The following HJURP variants were observed in gnomAD, a reference collection of about 807,000 sequenced individuals.
The protein encoded by HJURP is Holliday junction recognition protein.
Under a neutral mutation model 72.0 loss-of-function variants are expected in HJURP, and 49 were observed. The ratio of observed to expected loss-of-function variants is 0.68; its 90% CI spans 0.54 to 0.86. The LOEUF (loss-of-function observed/expected upper bound fraction) is 0.86, where lower values mean the gene tolerates loss of function less well. HJURP is among the 40% of genes least tolerant of loss of function. The pLI is 0.00. For synonymous variants in HJURP, 357 were observed against 347.1 expected (o/e 1.03, Z -0.32); for missense variants, 908 against 936.3 (o/e 0.97, Z 0.39).
rs1466545334 is a variant in HJURP at position 233,837,604 on chromosome 2, T to A, written c.2220A>T (p.Leu740=). The change falls in exon 9 of 9, where the codon CTA becomes CTT. Residue 740 remains leucine, a synonymous_variant. Coordinates refer to ENST00000411486, the MANE Select transcript of HJURP (RefSeq NM_018410.5). The part of the protein sequence containing the change: ...YRMEEKSDFM[L]EKLETKSV Reference sequence around the variant, plus strand: ...ACACACTTTTAGTTTCCAATTTTTCTAGCATGAAATCACTTTTCTCTTCCA... The same window carrying A: ...ACACACTTTTAGTTTCCAATTTTTCAAGCATGAAATCACTTTTCTCTTCCA... 1 of 1,611,384 alleles carries A rather than the reference T, an allele frequency of 6.2e-7. No individual in the cohort carries two copies. The highest frequency in any genetic ancestry group is 2.2e-5 in the East Asian group (1 of 44,824).
rs773457644 is a variant in HJURP at position 233,841,763 on chromosome 2, A to C, written c.1017T>G (p.Asp339Glu). The C allele has an allele frequency of 6.2e-7, 1 of 1,614,182 alleles. No homozygotes were observed. The highest frequency in any genetic ancestry group is 1.1e-5 in the South Asian group (1 of 91,080). The change falls in exon 8 of 9, where the codon GAT (aspartate) becomes GAG (glutamate). Residue 339 changes from aspartate to glutamate, a missense_variant. By Grantham distance (45) the Asp-to-Glu change is conservative (BLOSUM62 2). This residue lies in a region of HJURP where 598 missense variants were observed against 619.5 expected (regional missense o/e 0.97). Coordinates refer to ENST00000411486, the MANE Select transcript of HJURP (RefSeq NM_018410.5). Reference sequence around the variant, plus strand: ...AAGAAACATCTAATACGTTCTTGCAATCTCTTAATGCCCCTGTCCCTTTCA... The same window carrying C: ...AAGAAACATCTAATACGTTCTTGCACTCTCTTAATGCCCCTGTCCCTTTCA... The part of the protein sequence containing the change: ...EPVKGTGALR[D>E]CKNVLDVSCR...
At position 233,837,339 on chromosome 2, in the gene HJURP, C is replaced by A; in HGVS notation, c.*238G>T. 2 of 337,414 alleles carry A rather than the reference C, an allele frequency of 5.9e-6. No individual in the cohort carries two copies. Among genetic ancestry groups the A allele is most frequent in the Non-Finnish European group, 1.1e-5 (2 of 186,474 alleles). The allele number at this position is 337,414 out of a possible 1,614,324, so 20.9% of individuals were successfully genotyped here. A position where few individuals can be genotyped will look rare whatever the true frequency, so the allele number is the denominator to read the frequency against. The stretch of plus-strand genomic sequence containing the variant: ...AAATAACCCCCCCCCAAAAAAAACA[C>A]ACACATCAGAAAAACAGGCCTATCA... On this transcript the variant is annotated 3_prime_UTR_variant, in exon 9 of 9. Coordinates refer to ENST00000411486, the MANE Select transcript of HJURP (RefSeq NM_018410.5).
intron 8 of HJURP, among the ~76,000 whole-genome samples, chr2:233,838,560 GGTAAAAGGAAGAGCTGGGGCACTATCTGA>G (rs1247451715): frequency 1.6e-4 from 24 of 152,086 alleles, no homozygotes; most frequent in African/African-American, 5.6e-4. Flanking sequence ...GCAGGATGAT[GGTAAAAGGAAGAGCTGGGGCACTATCTGA>G]GAAAAAGCAG....
chr2:233,839,526 A>C lies in HJURP; in HGVS notation c.2171+1083T>G, dbSNP rs1705164978. Among the ~76,000 whole-genome samples, 6 of 152,374 alleles carry C rather than the reference A, an allele frequency of 3.9e-5. No homozygotes were observed. In the South Asian group the frequency reaches 1.2e-3, roughly 32 times the overall value. The stretch of plus-strand genomic sequence containing the variant: ...AAAGGCCCCAGGGGGCTCAAGCCAC[A>C]GGAGGCCGCTGGCGGTCTGAGAGTG... On this transcript the variant is annotated intron_variant, in intron 8 of 8. Transcript: ENST00000411486.
At chr2:233,853,370 A>G (rs531245935) in intron 2 of HJURP, among the ~76,000 whole-genome samples, 2 of 152,374 alleles carry the variant, frequency 1.3e-5, no homozygotes, top group Admixed American at 1.3e-4. Flanking sequence ...CTATTCAAGT[A>G]CTTGGAGCCT....
intron 2 of HJURP, 43 bp downstream of exon 2, chr2:233,853,801 A>G (rs1355823683): frequency 6.6e-7 from 1 of 1,516,438 alleles, no homozygotes; most frequent in Non-Finnish European, 9.1e-7. Flanking sequence ...TACTCCATTC[A>G]CACTCTTCAC....
chr2:233,839,971 A>G (rs1705179164), intron 8 of HJURP, among the ~76,000 whole-genome samples: 2 of 152,196 alleles, frequency 1.3e-5, no homozygotes. Flanking sequence ...TTTAATGCCA[A>G]CAAAGGTACT....
intron 8 of HJURP, among the ~76,000 whole-genome samples, chr2:233,837,976 A>C (rs17868364): frequency 9.8e-5 from 15 of 152,344 alleles, no homozygotes; most frequent in Non-Finnish European, 2.1e-4. Flanking sequence ...ATCTATTAAA[A>C]GGAGAGACAG....
chr2:233,838,543 C>T (rs2124956854), intron 8 of HJURP, among the ~76,000 whole-genome samples: 1 of 152,202 alleles, frequency 6.6e-6, no homozygotes. Context: ...GAGACAAAAT[C>T]CCAGGGGCAG....
Position 233,841,313 on chromosome 2 carries a change from G to A in HJURP, c.1467C>T (p.Ser489=). 1 of 1,614,144 alleles carries A rather than the reference G, an allele frequency of 6.2e-7. No homozygotes were observed. The highest frequency in any genetic ancestry group is 8.5e-7 in the Non-Finnish European group (1 of 1,180,026). The change falls in exon 8 of 9, where the codon TCC becomes TCT. Residue 489 remains serine (S), a synonymous_variant. Coordinates refer to ENST00000411486, the MANE Select transcript of HJURP (RefSeq NM_018410.5). ...GLETRRLSLP[S]SKAKAKSLSE... ...TTAAACTTTTTGCTTTTGCTTTGCT[G>A]GAAGGTAAACTCAGCCTGCGGGTTT...
At chr2:233,853,725 G>T in intron 2 of HJURP, 119 bp downstream of exon 2, 1 of 756,050 alleles carries the variant, frequency 1.3e-6, no homozygotes, top group Non-Finnish European at 2.2e-6. Context: ...GGGCACCAAT[G>T]TTTTGGTTCC....
rs1263568563 is a variant in HJURP, at chr2:233,837,648, C to G, written c.2176G>C (p.Glu726Gln). The G allele has an allele frequency of 1.3e-6, 2 of 1,594,186 alleles. No individual in the cohort carries two copies. The highest frequency in any genetic ancestry group is 2.7e-5 in the African/African-American group (2 of 73,840). ...TCTTCCATCCTGTAAGACGTGTTCTCTCCTCTAGGAAAAAAAAAAGACAAA... is the reference window on the plus strand; with the variant it reads ...TCTTCCATCCTGTAAGACGTGTTCTGTCCTCTAGGAAAAAAAAAAGACAAA... The part of the protein sequence containing the change: ...SSQPNSEERG[E>Q]NTSYRMEEKS... The change falls in exon 9 of 9, where the codon GAG (glutamate) becomes CAG (glutamine). Residue 726 changes from glutamate to glutamine, a missense_variant. Transcript: ENST00000411486.
In HJURP at chr2:233,846,923, C is replaced by T. The variant is rs1422093070; in HGVS notation, c.402+474G>A. Reference sequence around the variant, plus strand: ...CCCAGGGGGCACTCTGGGAAACAGACATATAGATGACACTTACTGTTTGGG... The same window carrying T: ...CCCAGGGGGCACTCTGGGAAACAGATATATAGATGACACTTACTGTTTGGG... On this transcript the variant is annotated intron_variant, in intron 5 of 8. Transcript: ENST00000411486. The surrounding 1 kb of genome is among the most constrained non-coding windows in gnomAD (Gnocchi z 4.3). 6.6e-6 allele frequency among the ~76,000 whole-genome samples: 1 copy of T among 152,174 alleles called. No individual in the cohort carries two copies. The highest frequency in any genetic ancestry group is 2.4e-5 in the African/African-American group (1 of 41,440).
At chr2:233,840,398 C>CGA (rs1235666450) in intron 8 of HJURP, among the ~76,000 whole-genome samples, 1 of 152,178 alleles carries the variant, frequency 6.6e-6, no homozygotes, top group Non-Finnish European at 1.5e-5. Flanking sequence ...TGCTTTACCT[C>CGA]GATGCATCTT....
chr2:233,854,464 C>T lies in HJURP; in HGVS notation c.37G>A (p.Val13Met). 2 of 1,612,714 alleles carry T rather than the reference C, an allele frequency of 1.2e-6. No individual in the cohort carries two copies. Among genetic ancestry groups the T allele is most frequent in the Non-Finnish European group, 1.7e-6 (2 of 1,179,510 alleles). Residue 13 changes from valine (V) to methionine (M), a missense_variant, in exon 1 of 9, where the codon GTG becomes ATG. Coordinates refer to ENST00000411486, the MANE Select transcript of HJURP (RefSeq NM_018410.5). ...TTCTGCAGCAGCTGGTCGTCTTCCA[C>T]GTCCTCGCCCTCCATGGCGCGCAGC... is the stretch of plus-strand genomic sequence containing the variant. ...GTLRAMEGED[V>M]EDDQLLQKLR...
In HJURP at chr2:233,841,335, G is replaced by C; in HGVS notation, c.1445C>G (p.Thr482Ser). Reference protein sequence around the residue: ...ASPGGLQGLETRRLSLPSSKA... With the variant: ...ASPGGLQGLESRRLSLPSSKA... ...GCTGGAAGGTAAACTCAGCCTGCGG[G>C]TTTCTAAGCCCTGAAGGCCACCAGG... Residue 482 changes from threonine (T) to serine (S), a missense_variant, in exon 8 of 9, where the codon ACC (threonine) becomes AGC (serine). Transcript: ENST00000411486. 1 of 1,614,144 alleles carries C rather than the reference G, an allele frequency of 6.2e-7. No individual in the cohort carries two copies. The highest frequency in any genetic ancestry group is 8.5e-7 in the Non-Finnish European group (1 of 1,180,032).
chr2:233,846,894 G>A lies in HJURP; in HGVS notation c.402+503C>T, dbSNP rs1454377481. Reference sequence around the variant, plus strand: ...TCCCATAAGAAAACGGGTGGTTTCTGTGACCCAGGGGGCACTCTGGGAAAC... The same window carrying A: ...TCCCATAAGAAAACGGGTGGTTTCTATGACCCAGGGGGCACTCTGGGAAAC... On this transcript the variant is annotated intron_variant, in intron 5 of 8. Transcript: ENST00000411486. This position sits in a 1 kb window ranked among gnomAD's most constrained non-coding sequence, Gnocchi z 4.3. 1.3e-5 allele frequency among the ~76,000 whole-genome samples: 2 copies of A among 152,214 alleles called. No individual in the cohort carries two copies. The highest frequency in any genetic ancestry group is 3.9e-4 in the East Asian group (2 of 5,180).
At chr2:233,847,545 G>T in intron 4 of HJURP, 84 bp from the exon 5 acceptor site, 2 of 1,139,344 alleles carry the variant, frequency 1.8e-6, no homozygotes, top group Non-Finnish European at 2.7e-6. Context: ...GCATCACTTC[G>T]AGTAAGTTGT....
At position 233,844,263 on chromosome 2, in the gene HJURP, T is replaced by A. The variant is rs538145100; in HGVS notation, c.516A>T (p.Gly172=). Residue 172 remains glycine, a synonymous_variant, in exon 7 of 9, where the codon GGA becomes GGT. Transcript: ENST00000411486. ...GCAGCGGAGTCACACGTACATCCCTTCCAGCTCTGTTACCTGCACACTGAA... is the reference window on the plus strand; with the variant it reads ...GCAGCGGAGTCACACGTACATCCCTACCAGCTCTGTTACCTGCACACTGAA... The part of the protein sequence containing the change: ...EYFECAGNRA[G]RDVRVTPLPS... 8.2e-5 allele frequency: 133 copies of A among 1,614,136 alleles called. 1 individual carries two copies. In the South Asian group the frequency reaches 1.3e-3, roughly 16 times the overall value.
Sources: allele counts gnomAD v4.1 joint callset (sites outside exome capture counted in the v4.1 genomes callset), GRCh38; gene constraint gnomAD v4.1.1; regional missense constraint gnomAD v4.1.1; non-coding constraint Gnocchi (gnomAD v3.1); transcripts MANE v1.5; gene names NCBI Gene and HGNC (gene_info 2026-07-23, HGNC 2026-07-21).